Variants in HSPA9 observed in about 807,000 individuals in gnomAD.
HSPA9 encodes stress-70 protein, mitochondrial.
In HSPA9, 28 loss-of-function variants were observed where a neutral mutation model predicts 81.5. The ratio of observed to expected loss-of-function variants is 0.34; its 90% CI spans 0.25 to 0.47. The LOEUF is 0.47. Among genes scored for constraint, HSPA9 ranks in the 20% least tolerant of loss-of-function variants. HSPA9 has a pLI of 1.00. For synonymous variants in HSPA9, 293 were observed against 290.4 expected, an observed-to-expected ratio of 1.01 and a Z score of -0.09; for missense variants, 678 against 838.0, an observed-to-expected ratio of 0.81 and a Z score of 2.36.
At chr5:138,562,407 C>T (rs149356538) in intron 9 of HSPA9, among the ~76,000 whole-genome samples, 2 of 151,410 alleles carry the variant, frequency 1.3e-5, no homozygotes, top group Non-Finnish European at 2.9e-5. Context: ...AAAAATTAGC[C>T]GGGCGTGGTG....
chr5:138,569,090 C>T, intron 4 of HSPA9, 41 bp from the exon 5 acceptor site: 1 of 1,602,862 alleles, frequency 6.2e-7, no homozygotes, highest in East Asian at 2.2e-5. Flanking sequence ...ACTACCTGAA[C>T]AACTTACCAT....
rs947593794 is a variant in HSPA9 at position 138,554,779 on chromosome 5, G to C, written c.*1258C>G. 2.6e-5 allele frequency: 4 copies of C among 152,202 alleles called. No homozygotes were observed. Among genetic ancestry groups the C allele is most frequent in the African/African-American group, 7.2e-5 (3 of 41,460 alleles). 9.4% of individuals were successfully genotyped at this position (152,202 alleles called of 1,614,324 possible). On this transcript the variant is annotated 3_prime_UTR_variant, in exon 17 of 17. Transcript: ENST00000297185. ...TTGGGAAATCTTAACATTGAATAAA[G>C]ATGTAGTTGCCTTTCTGCTCAGGTT...
intron 1 of HSPA9, 54 bp from the exon 2 acceptor site, chr5:138,574,180 A>G (rs779696947): frequency 1.5e-6 from 2 of 1,348,970 alleles, no homozygotes; most frequent in South Asian, 2.3e-5. Context: ...CTGGGAGGAA[A>G]AAGAGAAAAC....
At chr5:138,561,906 G>A (rs1313546817) in intron 9 of HSPA9, 117 bp from the exon 10 acceptor site, 1 of 797,666 alleles carries the variant, frequency 1.3e-6, no homozygotes, top group Non-Finnish European at 2.2e-6. Context: ...ACCAAAGGGA[G>A]GGTGAGATCT....
At chr5:138,574,524 TA>T in intron 1 of HSPA9, among the ~76,000 whole-genome samples, 1 of 152,334 alleles carries the variant, frequency 6.6e-6, no homozygotes, top group Admixed American at 6.5e-5. Flanking sequence ...GCAATTAGTT[TA>T]AAAGAACTAG....
At position 138,556,081 on chromosome 5, in the gene HSPA9, C is replaced by A. The variant is rs1027787961; in HGVS notation, c.1996G>T (p.Gly666Cys). The change falls in exon 17 of 17, where the codon GGC becomes TGC. Residue 666 changes from glycine to cysteine, a missense_variant. This residue lies in a region of HSPA9 where 100 missense variants were observed against 99.5 expected (regional missense o/e 1.00). Transcript: ENST00000297185. ...TGATCTTCCTTTTGTTCCCCAGTGC[C>A]AGAACTTCCAGAGCCTTCTCGCTCA... ...ASEREGSGSS[G>C]TGEQKEDQKE... The A allele has an allele frequency of 1.2e-6, 2 of 1,613,560 alleles. No individual in the cohort carries two copies. The highest frequency in any genetic ancestry group is 1.7e-6 in the Non-Finnish European group (2 of 1,179,742).
At chr5:138,570,852 A>G in intron 4 of HSPA9, 108 bp downstream of exon 4, 1 of 999,572 alleles carries the variant, frequency 1.0e-6, no homozygotes, top group South Asian at 1.3e-5. Flanking sequence ...ACAATAAGTA[A>G]AATTACTAAA....
Position 138,555,978 on chromosome 5 carries a change from A to G in HSPA9, c.*59T>C. On this transcript the variant is annotated 3_prime_UTR_variant, in exon 17 of 17. Coordinates refer to ENST00000297185, the MANE Select transcript of HSPA9 (RefSeq NM_004134.7). Reference sequence around the variant, plus strand: ...GAAGTTCGCCCATTTCTGCTCAGGAAGTCTCTTCACTCCTAAGCTTCATAT... The same window carrying G: ...GAAGTTCGCCCATTTCTGCTCAGGAGGTCTCTTCACTCCTAAGCTTCATAT... The G allele has an allele frequency of 1.7e-6, 2 of 1,196,398 alleles. No homozygotes were observed. Among genetic ancestry groups the G allele is most frequent in the Non-Finnish European group, 2.5e-6 (2 of 801,166 alleles). The allele number at this position is 1,196,398 out of a possible 1,614,324, so 74.1% of individuals were successfully genotyped here.
At chr5:138,559,701 C>G in intron 11 of HSPA9, 163 bp downstream of exon 11, 1 of 646,054 alleles carries the variant, frequency 1.5e-6, no homozygotes, top group Non-Finnish European at 2.8e-6. Flanking sequence ...AAACAAAAAA[C>G]AAAACACAGG....
chr5:138,557,792 A>C, intron 13 of HSPA9, 77 bp downstream of exon 13: 1 of 870,332 alleles, frequency 1.1e-6, no homozygotes, highest in Non-Finnish European at 2.0e-6. Context: ...GGCAAAGAGG[A>C]CTCATCATTC....
Position 138,557,411 on chromosome 5 carries a change from C to G in HSPA9, c.1719G>C (p.Arg573=), listed in dbSNP as rs1326109232. Residue 573 remains arginine (R), a synonymous_variant, in exon 14 of 17, where the codon CGG becomes CGC. Transcript: ENST00000297185. ...KNAEKYAEED[R]RKKERVEAVN... is the part of the protein sequence containing the mutation. ...GACAAGAAGTAATCACCTTCTTTCG[C>G]CGGTCTTCTTCAGCATATTTCTCTG... 3 of 1,604,252 alleles carry G rather than the reference C, an allele frequency of 1.9e-6. No homozygotes were observed. Among genetic ancestry groups the G allele is most frequent in the Admixed American group, 1.7e-5 (1 of 59,852 alleles).
In HSPA9 at chr5:138,560,564, C is replaced by CTT. The variant is rs34922898; in HGVS notation, c.1183-475_1183-474dup. Among the ~76,000 whole-genome samples, 129 of 135,076 alleles carry CTT rather than the reference C, an allele frequency of 9.6e-4. 1 individual carries two copies. Among genetic ancestry groups the CTT allele is most frequent in the East Asian group, 2.6e-3 (11 of 4,236 alleles). The allele number at this position is 135,076 out of a possible 152,430, so 88.6% of individuals were successfully genotyped here. A position where few individuals can be genotyped will look rare whatever the true frequency, so the allele number is the denominator to read the frequency against. ...AGTATCGGGGATACTTTTTCTTCTTCTTTTTTTTTTTTTTGAGACGGAGTC... is the reference window on the plus strand; with the variant it reads ...AGTATCGGGGATACTTTTTCTTCTTCTTTTTTTTTTTTTTTTGAGACGGAGTC... On this transcript the variant is annotated intron_variant, in intron 10 of 16. Transcript: ENST00000297185.
At chr5:138,561,878 G>T in intron 9 of HSPA9, 89 bp from the exon 10 acceptor site, 1 of 1,021,844 alleles carries the variant, frequency 9.8e-7, no homozygotes, top group Non-Finnish European at 1.6e-6. Context: ...CCATGCCCTA[G>T]GACAGAAGAC....
At chr5:138,561,835 A>G (rs1334622126) in intron 9 of HSPA9, 46 bp from the exon 10 acceptor site, 1 of 1,418,286 alleles carries the variant, frequency 7.1e-7, no homozygotes, top group Non-Finnish European at 1.0e-6. Flanking sequence ...AGGCCAAATG[A>G]CGGTTACATT....
Position 138,555,895 on chromosome 5 carries a change from A to C in HSPA9, c.*142T>G, listed in dbSNP as rs1362602588. 1 of 682,186 alleles carries C rather than the reference A, an allele frequency of 1.5e-6. No homozygotes were observed. Among genetic ancestry groups the C allele is most frequent in the Non-Finnish European group, 2.6e-6 (1 of 382,890 alleles). 42.3% of individuals were successfully genotyped at this position (682,186 alleles called of 1,614,324 possible). A position where few individuals can be genotyped will look rare whatever the true frequency, so the allele number is the denominator to read the frequency against. Reference sequence around the variant, plus strand: ...AAATGATCACTAGCTAATGGTCACTAAATTTACAAATTAAGGAAATTATAT... The same window carrying C: ...AAATGATCACTAGCTAATGGTCACTCAATTTACAAATTAAGGAAATTATAT... On this transcript the variant is annotated 3_prime_UTR_variant, in exon 17 of 17. Transcript: ENST00000297185.
At position 138,567,444 on chromosome 5, in the gene HSPA9, C is replaced by T. The variant is rs766991423; in HGVS notation, c.716+11G>A. ...ACACATCCAGGTGAGAAATTTACTG[C>T]ACAAACTTACACTTTGTCTTCTGAT... On this transcript the variant is annotated intron_variant, in intron 7 of 16. Transcript: ENST00000297185. 3.1e-6 allele frequency: 5 copies of T among 1,596,764 alleles called. No homozygotes were observed. In the Admixed American group the frequency reaches 8.3e-5, roughly 27 times the overall value.
chr5:138,568,841 C>G, intron 5 of HSPA9, 84 bp downstream of exon 5: 1 of 1,425,138 alleles, frequency 7.0e-7, no homozygotes, highest in East Asian at 2.3e-5. Flanking sequence ...GATTCATCTA[C>G]AGGAGCTGGA....
chr5:138,574,529 G>A lies in HSPA9; in HGVS notation c.82-403C>T, dbSNP rs987156573. On this transcript the variant is annotated intron_variant, in intron 1 of 16. Transcript: ENST00000297185. The stretch of plus-strand genomic sequence containing the variant: ...ACCTTGCCGTGCAATTAGTTTAAAA[G>A]AACTAGAGTTACTAAGGGTCTTTGA... Among the ~76,000 whole-genome samples the A allele has an allele frequency of 5.9e-5, 9 of 152,288 alleles. 1 individual carries two copies. In the East Asian group the frequency reaches 1.5e-3, roughly 26 times the overall value.
In HSPA9 at chr5:138,558,069, A is replaced by G. The variant is rs925468967; in HGVS notation, c.1516-83T>C. On this transcript the variant is annotated intron_variant, in intron 12 of 16. Coordinates refer to ENST00000297185, the MANE Select transcript of HSPA9 (RefSeq NM_004134.7). ...TTCCAAATCTATATGGTTTTCTAGT[A>G]AACAAGTCACTTGGTTCCTGGGAGA... 1.1e-5 allele frequency: 10 copies of G among 919,414 alleles called. No individual in the cohort carries two copies. In the East Asian group the frequency reaches 2.4e-4, roughly 22 times the overall value. 57.0% of individuals were successfully genotyped at this position (919,414 alleles called of 1,614,324 possible).
Sources: allele counts gnomAD v4.1 joint callset (sites outside exome capture counted in the v4.1 genomes callset), GRCh38; gene constraint gnomAD v4.1.1; regional missense constraint gnomAD v4.1.1; transcripts MANE v1.5; gene names NCBI Gene and HGNC (gene_info 2026-07-23, HGNC 2026-07-21).